The following WNT8A variants were observed in gnomAD, a reference collection of about 807,000 sequenced individuals.
The protein encoded by WNT8A is protein Wnt-8a.
In WNT8A, 14 loss-of-function variants were observed where a neutral mutation model predicts 20.5. That is an observed-to-expected ratio of 0.68 (90% CI 0.45 to 1.07). The LOEUF is 1.07. WNT8A is among the 50% of genes least tolerant of loss of function. WNT8A has a pLI of 0.00. For synonymous variants in WNT8A, 167 were observed against 169.2 expected (o/e 0.99, Z 0.10); for missense variants, 397 against 462.9 (o/e 0.86, Z 1.31).
upstream of WNT8A, chr5:138,084,011 C>T (rs1168152264): frequency 4.5e-6 from 6 of 1,343,320 alleles, no homozygotes; most frequent in East Asian, 2.3e-5. Context: ...CACATAAATA[C>T]TGAGGAAGAC....
rs779233057 is a variant in WNT8A, at chr5:138,084,098, C to G, written c.-30C>G. 6.2e-7 allele frequency: 1 copy of G among 1,612,908 alleles called. No homozygotes were observed. The highest frequency in any genetic ancestry group is 8.5e-7 in the Non-Finnish European group (1 of 1,179,124). On this transcript the variant is annotated 5_prime_UTR_variant, in exon 1 of 5. Coordinates refer to ENST00000506684, the MANE Select transcript of WNT8A (RefSeq NM_001300939.2). The stretch of plus-strand genomic sequence containing the variant: ...CTGGGGTAGGCAGGGCGATGGGGAA[C>G]CTGTTTATGCTCTGGGCAGCTCTGG...
intron 4 of WNT8A, among the ~76,000 whole-genome samples, 154 bp downstream of exon 4, chr5:138,089,223 T>C (rs532034673): frequency 4.7e-4 from 72 of 152,260 alleles, no homozygotes; most frequent in African/African-American, 1.5e-3. Context: ...ACCAATTAAA[T>C]CTGAGCCAAG....
In WNT8A at chr5:138,091,447, G is replaced by T; in HGVS notation, c.*374G>T. ...AGACCATGTCCAACCCAGCTGTGCT[G>T]CTGGGAATCAGGAGAATAGAAGCAA... On this transcript the variant is annotated 3_prime_UTR_variant, in exon 5 of 5. Transcript: ENST00000506684. The T allele has an allele frequency of 7.4e-7, 1 of 1,357,792 alleles. No homozygotes were observed. Among genetic ancestry groups the T allele is most frequent in the Non-Finnish European group, 9.7e-7 (1 of 1,025,868 alleles). 84.1% of individuals were successfully genotyped at this position (1,357,792 alleles called of 1,614,324 possible).
At position 138,086,854 on chromosome 5, in the gene WNT8A, G is replaced by A. The variant is rs114262465; in HGVS notation, c.296-952G>A. 4.0e-3 allele frequency among the ~76,000 whole-genome samples: 586 copies of A among 147,734 alleles called. 5 individuals are homozygous for A. Among genetic ancestry groups the A allele is most frequent in the African/African-American group, 0.014 (571 of 39,982 alleles). On this transcript the variant is annotated intron_variant, in intron 2 of 4. Coordinates refer to ENST00000506684, the MANE Select transcript of WNT8A (RefSeq NM_001300939.2). Reference sequence around the variant, plus strand: ...GTTCTAGACCACTCTGGCCAACATGGTGAAACCCCATATGTACTAAAGACC... The same window carrying A: ...GTTCTAGACCACTCTGGCCAACATGATGAAACCCCATATGTACTAAAGACC...
chr5:138,087,666 A>AAAG, intron 2 of WNT8A, 140 bp from the exon 3 acceptor site: 1 of 861,142 alleles, frequency 1.2e-6, no homozygotes, highest in Non-Finnish European at 1.7e-6. Context: ...AAAAAAAAAA[A>AAAG]AAAAAAAAGA....
chr5:138,082,546 C>T (rs1449632439), upstream of WNT8A, among the ~76,000 whole-genome samples: 1 of 151,796 alleles, frequency 6.6e-6, no homozygotes, highest in South Asian at 2.1e-4. Context: ...CACTTGCACT[C>T]CAGCCCGGGT....
chr5:138,091,199 C>T lies in WNT8A; in HGVS notation c.*126C>T. The stretch of plus-strand genomic sequence containing the variant: ...TTTTGGTCTGTAGTCCTCATGATAT[C>T]TGCTATCAGTGGGGAAAATGGAGGC... On this transcript the variant is annotated 3_prime_UTR_variant, in exon 5 of 5. Coordinates refer to ENST00000506684, the MANE Select transcript of WNT8A (RefSeq NM_001300939.2). The T allele has an allele frequency of 6.5e-7, 1 of 1,540,102 alleles. No homozygotes were observed. Among genetic ancestry groups the T allele is most frequent in the East Asian group, 2.3e-5 (1 of 44,262 alleles).
chr5:138,084,767 A>G, intron 2 of WNT8A, 131 bp downstream of exon 2: 1 of 1,251,716 alleles, frequency 8.0e-7, no homozygotes, highest in Middle Eastern at 2.7e-4. Flanking sequence ...CTGACCTGCC[A>G]TTTCCTTGCT....
chr5:138,089,310 T>C (rs912781672), intron 4 of WNT8A, among the ~76,000 whole-genome samples: 5 of 152,178 alleles, frequency 3.3e-5, no homozygotes, highest in Admixed American at 1.3e-4. Context: ...CTCTTGTCAT[T>C]GTATGTTCTG....
At chr5:138,091,845 A>AAATC (rs1750867503), downstream of WNT8A, among the ~76,000 whole-genome samples, 1 of 148,364 alleles carries the variant, frequency 6.7e-6, no homozygotes, top group African/African-American at 2.5e-5. Context: ...ATAAATAAAT[A>AAATC]AATAAATAAA....
At chr5:138,082,916 T>TAAAATA (rs66648031), upstream of WNT8A, among the ~76,000 whole-genome samples, 3 of 142,210 alleles carry the variant, frequency 2.1e-5, no homozygotes, top group Non-Finnish European at 3.0e-5. Flanking sequence ...AATAAATAAA[T>TAAAATA]AAATAAAATA....
In WNT8A at chr5:138,091,463, A is replaced by C. The variant is rs1488683921; in HGVS notation, c.*390A>C. On this transcript the variant is annotated 3_prime_UTR_variant, in exon 5 of 5. Transcript: ENST00000506684. ...AGCTGTGCTGCTGGGAATCAGGAGA[A>C]TAGAAGCAAAAAACGAAAGAGTTCT... The C allele has an allele frequency of 1.5e-6, 2 of 1,354,998 alleles. No individual in the cohort carries two copies. Among genetic ancestry groups the C allele is most frequent in the African/African-American group, 1.5e-5 (1 of 67,888 alleles). 83.9% of individuals were successfully genotyped at this position (1,354,998 alleles called of 1,614,324 possible). A position where few individuals can be genotyped will look rare whatever the true frequency, so the allele number is the denominator to read the frequency against.
upstream of WNT8A, chr5:138,083,975 C>T: frequency 2.0e-6 from 2 of 990,002 alleles, no homozygotes; most frequent in Non-Finnish European, 2.9e-6. Flanking sequence ...CTGCTGATTT[C>T]CTCCCTTGGA....
chr5:138,084,158 G>C lies in WNT8A; in HGVS notation c.31G>C (p.Val11Leu), dbSNP rs1750582127. 1 of 1,614,038 alleles carries C rather than the reference G, an allele frequency of 6.2e-7. No individual in the cohort carries two copies. The highest frequency in any genetic ancestry group is 1.3e-5 in the African/African-American group (1 of 74,918). The change falls in exon 1 of 5, where the codon GTA (valine) becomes CTA (leucine). Residue 11 changes from valine (V) to leucine (L), a missense_variant. By Grantham distance (32) the Val-to-Leu change is conservative. Transcript: ENST00000506684. MLCCIQCLCL[V>L]SPFPTLTPCQ... ...GTGCTGCATTCAGTGCCTCTGCCTG[G>C]TAAGTCCTTTCCCAACCCTCACTCC... is the stretch of plus-strand genomic sequence containing the variant.
At chr5:138,083,062 A>C (rs1032071886), upstream of WNT8A, among the ~76,000 whole-genome samples, 1 of 152,078 alleles carries the variant, frequency 6.6e-6, no homozygotes, top group African/African-American at 2.4e-5. Context: ...TGGGCAGATC[A>C]CTTGAGCCCA....
intron 3 of WNT8A, among the ~76,000 whole-genome samples, chr5:138,088,373 T>C (rs2048940341): frequency 6.6e-6 from 1 of 151,424 alleles, no homozygotes; most frequent in African/African-American, 2.4e-5. Context: ...TTTTTTTTTT[T>C]TGAGATGGAG....
chr5:138,090,792 T>A lies in WNT8A; in HGVS notation c.829T>A (p.Cys277Ser). The A allele has an allele frequency of 6.2e-7, 1 of 1,614,240 alleles. No homozygotes were observed. The change falls in exon 5 of 5, where the codon TGT becomes AGT. Residue 277 changes from cysteine to serine, a missense_variant. Cys to Ser is a moderately radical substitution (Grantham distance 112). Transcript: ENST00000506684. ...LIFLEESPDYCTCNSSLGIYG... is the reference protein window; with the variant it reads ...LIFLEESPDYSTCNSSLGIYG... ...CTTTTTAGAGGAATCACCAGATTAC[T>A]GTACCTGCAATTCCAGCCTGGGCAT...
downstream of WNT8A, chr5:138,091,638 C>A: frequency 3.2e-6 from 2 of 620,560 alleles, no homozygotes; most frequent in Non-Finnish European, 4.8e-6. Flanking sequence ...CCAGCCTGGA[C>A]AACATAGAAA....
chr5:138,085,401 G>A (rs535708242), intron 2 of WNT8A, among the ~76,000 whole-genome samples: 5 of 152,254 alleles, frequency 3.3e-5, no homozygotes, highest in South Asian at 2.1e-4. Context: ...AAGCTGAGAC[G>A]TCACATTGAG....
Sources: gnomAD v4.1 joint callset for allele counts (sites outside exome capture counted in the v4.1 genomes callset) on GRCh38, gnomAD v4.1.1 for gene constraint, MANE v1.5 for transcripts, NCBI Gene and HGNC (gene_info 2026-07-23, HGNC 2026-07-21) for gene names.